The following VPS13B variants were observed in gnomAD, a reference collection of about 807,000 sequenced individuals.
VPS13B encodes vacuolar protein sorting 13 homolog B, also known as intermembrane lipid transfer protein VPS13B.
Under a neutral mutation model 426.4 loss-of-function variants are expected in VPS13B, and 285 were observed. That is an observed-to-expected ratio of 0.67 (90% confidence interval 0.61 to 0.74). The LOEUF (loss-of-function observed/expected upper bound fraction) is 0.74. Among genes scored for constraint, VPS13B ranks in the 30% least tolerant of loss-of-function variants. The pLI is 0.00. For missense variants in VPS13B, 4,537 were observed against 4,782.6 expected, an observed-to-expected ratio of 0.95 and a Z score of 1.51; for synonymous variants, 1,676 against 1,676.4, an observed-to-expected ratio of 1.00 and a Z score of 0.01.
In VPS13B at chr8:99,848,800, T is replaced by C. The variant is rs1816112240; in HGVS notation, c.9967T>C (p.Tyr3323His). Residue 3323 changes from tyrosine to histidine, a missense_variant, in exon 55 of 62, where the codon TAT becomes CAT. Around this residue, in one of 2 missense-constraint regions of VPS13B, gnomAD observed 4,311 missense variants for 4,474.3 expected, o/e 0.96. Transcript: ENST00000357162. ...TQVVFLTGFG[Y>H]VYVDVVHQCG... ...GGTTGTGTTCCTGACTGGCTTTGGC[T>C]ATGTGTATGTGGATGTTGTACATCA... 2 of 1,614,076 alleles carry C rather than the reference T, an allele frequency of 1.2e-6. No homozygotes were observed. Among genetic ancestry groups the C allele is most frequent in the South Asian group, 2.2e-5 (2 of 91,090 alleles).
intron 24 of VPS13B, among the ~76,000 whole-genome samples, chr8:99,477,301 G>A (rs1819748646): frequency 6.6e-6 from 1 of 152,096 alleles, no homozygotes; most frequent in African/African-American, 2.4e-5. Flanking sequence ...TAAAATTAAT[G>A]TCTCAGAATT....
chr8:99,785,989 A>T (rs1404524629), intron 43 of VPS13B, among the ~76,000 whole-genome samples: 1 of 152,224 alleles, frequency 6.6e-6, no homozygotes, highest in African/African-American at 2.4e-5. Flanking sequence ...AAAGCAAAGC[A>T]GAGGAAGCTT....
At chr8:99,617,546 C>T (rs907543339) in intron 33 of VPS13B, among the ~76,000 whole-genome samples, 4 of 152,086 alleles carry the variant, frequency 2.6e-5, no homozygotes, top group African/African-American at 7.2e-5. Flanking sequence ...AGGCTGGTCT[C>T]GAACTCCTGA....
chr8:99,234,168 T>G, intron 17 of VPS13B: 1 of 780,450 alleles, frequency 1.3e-6, no homozygotes, highest in East Asian at 2.4e-5. Flanking sequence ...CACCTCTTCA[T>G]CCAGGATGTA....
chr8:99,541,393 A>G (rs1467046383), intron 30 of VPS13B, among the ~76,000 whole-genome samples: 2 of 152,166 alleles, frequency 1.3e-5, no homozygotes, highest in African/African-American at 4.8e-5. Context: ...GTTTGTTGTT[A>G]CATAGGTATA....
chr8:99,416,071 C>T (rs1305271964), intron 21 of VPS13B, among the ~76,000 whole-genome samples: 2 of 152,202 alleles, frequency 1.3e-5, no homozygotes, highest in Non-Finnish European at 2.9e-5. Flanking sequence ...TATCTATAAG[C>T]CCCTGACTGG....
chr8:99,474,717 A>G (rs1819602308), intron 24 of VPS13B, among the ~76,000 whole-genome samples: 1 of 152,158 alleles, frequency 6.6e-6, no homozygotes, highest in African/African-American at 2.4e-5. Context: ...ATGTGGACCA[A>G]CTGGAACTCA....
intron 19 of VPS13B, among the ~76,000 whole-genome samples, chr8:99,355,258 A>G (rs1812116132): frequency 6.6e-6 from 1 of 152,138 alleles, no homozygotes; most frequent in Non-Finnish European, 1.5e-5. Context: ...CCCTCTTTTC[A>G]TATTGTGAAT....
intron 58 of VPS13B, among the ~76,000 whole-genome samples, chr8:99,865,405 G>A (rs1226553369): frequency 3.3e-5 from 5 of 152,152 alleles, no homozygotes; most frequent in African/African-American, 9.7e-5. Flanking sequence ...TTTGTGATGC[G>A]CTGCTGGATT....
At position 99,454,773 on chromosome 8, in the gene VPS13B, G is replaced by T. The variant is rs1419715050; in HGVS notation, c.3445+12138G>T. The stretch of plus-strand genomic sequence containing the variant: ...CCACCAACAATGAGTGGGAATCCCT[G>T]TTGTTCCACATACTCACTAGCATTT... On this transcript the variant is annotated intron_variant, in intron 23 of 61. Transcript: ENST00000357162. Among the ~76,000 whole-genome samples, 3 of 152,286 alleles carry T rather than the reference G, an allele frequency of 2.0e-5. No homozygotes were observed. In the East Asian group the frequency reaches 5.8e-4, roughly 29 times the overall value.
chr8:99,290,379 A>G (rs1819663287), intron 19 of VPS13B, among the ~76,000 whole-genome samples: 1 of 152,082 alleles, frequency 6.6e-6, no homozygotes. Flanking sequence ...GCTGGAAACC[A>G]TCATTCTCAG....
At chr8:99,844,309 A>T (rs892572670) in intron 54 of VPS13B, among the ~76,000 whole-genome samples, 1 of 150,732 alleles carries the variant, frequency 6.6e-6, no homozygotes, top group Non-Finnish European at 1.5e-5. Context: ...TTCATGGATG[A>T]CCATCTTTTC....
At chr8:99,133,291 C>A (rs1809899534) in intron 8 of VPS13B, among the ~76,000 whole-genome samples, 1 of 152,202 alleles carries the variant, frequency 6.6e-6, no homozygotes, top group Non-Finnish European at 1.5e-5. Context: ...TTTTCTCCTG[C>A]AGCTTTCTTA....
intron 19 of VPS13B, among the ~76,000 whole-genome samples, chr8:99,335,807 G>T (rs976597387): frequency 2.0e-5 from 3 of 152,062 alleles, no homozygotes; most frequent in Non-Finnish European, 4.4e-5. Context: ...CAACTTACAA[G>T]GGTCGTGAAG....
intron 24 of VPS13B, among the ~76,000 whole-genome samples, chr8:99,474,012 A>G (rs114817381): frequency 1.2e-3 from 180 of 152,246 alleles, no homozygotes; most frequent in African/African-American, 4.1e-3. Flanking sequence ...GTAAAGAGAT[A>G]TATCTCCTCA....
At chr8:99,152,311 AT>A (rs1389890659) in intron 14 of VPS13B, among the ~76,000 whole-genome samples, 1 of 152,126 alleles carries the variant, frequency 6.6e-6, no homozygotes, top group East Asian at 1.9e-4. Flanking sequence ...GTATTTTGAC[AT>A]TTTTTAGTTA....
chr8:99,289,062 T>A (rs12216869), intron 19 of VPS13B, among the ~76,000 whole-genome samples: 6 of 148,818 alleles, frequency 4.0e-5, no homozygotes, highest in Admixed American at 1.3e-4. Context: ...AATGAATGAA[T>A]GAAAGAAGGA....
intron 19 of VPS13B, among the ~76,000 whole-genome samples, chr8:99,352,585 G>C (rs1193212760): frequency 1.3e-5 from 2 of 152,154 alleles, no homozygotes; most frequent in Non-Finnish European, 2.9e-5. Context: ...TGTAATCCCA[G>C]CACTGAGGTG....
intron 17 of VPS13B, among the ~76,000 whole-genome samples, chr8:99,253,135 A>C (rs1817584034): frequency 6.6e-6 from 1 of 152,110 alleles, no homozygotes; most frequent in Admixed American, 6.5e-5. Flanking sequence ...TAATTTTTTC[A>C]AAGTTTATTC....
Sources: allele counts gnomAD v4.1 joint callset (sites outside exome capture counted in the v4.1 genomes callset), GRCh38; gene constraint gnomAD v4.1.1; regional missense constraint gnomAD v4.1.1; transcripts MANE v1.5; gene names NCBI Gene and HGNC (gene_info 2026-07-23, HGNC 2026-07-21).